Variants in RNF216 observed in about 807,000 individuals in gnomAD.
RNF216 encodes the protein E3 ubiquitin-protein ligase RNF216.
RNF216 carries 72 observed loss-of-function variants against 110.8 expected under a neutral mutation model. The observed-to-expected ratio is 0.65, with a 90% CI of 0.54 to 0.79. The LOEUF is 0.79. RNF216 is among the 30% of genes least tolerant of loss of function. The pLI is 0.00. For synonymous variants in RNF216, 495 were observed against 407.5 expected, an observed-to-expected ratio of 1.21 and a Z score of -2.59; for missense variants, 1,342 against 1,141.2, an observed-to-expected ratio of 1.18 and a Z score of -2.54.
intron 5 of RNF216, among the ~76,000 whole-genome samples, chr7:5,738,703 G>A (rs1478484388): frequency 3.5e-4 from 17 of 48,510 alleles, no homozygotes; most frequent in East Asian, 6.4e-4. Context: ...GTGAGACTCC[G>A]TCTCAAAAAA....
At chr7:5,711,199 G>A (rs988393132) in intron 13 of RNF216, among the ~76,000 whole-genome samples, 1 of 152,090 alleles carries the variant, frequency 6.6e-6, no homozygotes, top group African/African-American at 2.4e-5. Flanking sequence ...TTCACAGGGC[G>A]CCAAGTTAAA....
intron 14 of RNF216, among the ~76,000 whole-genome samples, chr7:5,649,153 G>A (rs754930218): frequency 1.8e-4 from 28 of 152,092 alleles, no homozygotes; most frequent in Non-Finnish European, 3.5e-4. Flanking sequence ...AGGCTGAGGT[G>A]GGGGGATCAC....
At chr7:5,627,741 G>C (rs1490676166) in intron 15 of RNF216, among the ~76,000 whole-genome samples, 5 of 148,714 alleles carry the variant, frequency 3.4e-5, no homozygotes, top group Non-Finnish European at 5.9e-5. Context: ...GGGAGACTCT[G>C]TCTAAAAAAA....
chr7:5,712,955 C>A (rs1792811807), intron 11 of RNF216, 92 bp from the exon 12 acceptor site: 2 of 1,136,942 alleles, frequency 1.8e-6, no homozygotes, highest in Non-Finnish European at 1.2e-6. Flanking sequence ...GATCCTGAGA[C>A]AACATAGCAA....
chr7:5,707,241 G>C (rs1463630070), intron 13 of RNF216, among the ~76,000 whole-genome samples: 2 of 152,112 alleles, frequency 1.3e-5, no homozygotes, highest in African/African-American at 4.8e-5. Context: ...GGATATTTGG[G>C]ATCCTTTGTG....
chr7:5,747,360 G>A (rs933422591), intron 3 of RNF216, among the ~76,000 whole-genome samples: 1 of 152,166 alleles, frequency 6.6e-6, no homozygotes, highest in Non-Finnish European at 1.5e-5. Context: ...AGGAGAGGGA[G>A]TAAAAACGGA....
rs532457927 is a variant in RNF216 at position 5,772,527 on chromosome 7, C to T, written c.-70+9014G>A. Among the ~76,000 whole-genome samples the T allele has an allele frequency of 7.9e-5, 12 of 152,234 alleles. No homozygotes were observed. In the South Asian group the frequency reaches 2.5e-3, roughly 32 times the overall value. On this transcript the variant is annotated intron_variant, in intron 1 of 16. Coordinates refer to ENST00000389902, the MANE Select transcript of RNF216 (RefSeq NM_207111.4). ...GTTTAAGCGATTCAATCCTTTCCTT[C>T]CTCTCTGAGAAAATCTCAATTTTCT...
intron 13 of RNF216, among the ~76,000 whole-genome samples, chr7:5,704,273 G>A (rs1390283197): frequency 6.6e-6 from 1 of 152,140 alleles, no homozygotes; most frequent in South Asian, 2.1e-4. Context: ...AGAGCGACAA[G>A]TTCCTGAAAA....
At chr7:5,642,510 T>C (rs1030931943) in intron 14 of RNF216, among the ~76,000 whole-genome samples, 1 of 145,594 alleles carries the variant, frequency 6.9e-6, no homozygotes, top group African/African-American at 2.6e-5. Flanking sequence ...CCACTGTGCC[T>C]GGCCTATTTT....
At chr7:5,759,034 T>C (rs892091196) in intron 2 of RNF216, among the ~76,000 whole-genome samples, 1 of 152,144 alleles carries the variant, frequency 6.6e-6, no homozygotes, top group Non-Finnish European at 1.5e-5. Flanking sequence ...GGGGTGGTAT[T>C]TCATAAATGA....
At chr7:5,674,996 CA>C (rs761427211) in intron 13 of RNF216, among the ~76,000 whole-genome samples, 1 of 151,510 alleles carries the variant, frequency 6.6e-6, no homozygotes, top group African/African-American at 2.4e-5. Flanking sequence ...GACTCTGTCT[CA>C]AAAAACAAAC....
chr7:5,778,918 A>G (rs1796924025), intron 1 of RNF216, among the ~76,000 whole-genome samples: 1 of 152,074 alleles, frequency 6.6e-6, no homozygotes, highest in Non-Finnish European at 1.5e-5. Context: ...TAATTTTTGT[A>G]TTTTTAGTAG....
chr7:5,689,377 A>G (rs930482759), intron 13 of RNF216, among the ~76,000 whole-genome samples: 7 of 151,708 alleles, frequency 4.6e-5, no homozygotes, highest in Admixed American at 2.6e-4. Flanking sequence ...AAAAAAAAAA[A>G]AAGAAAGAAG....
At chr7:5,719,368 C>T (rs1249352978) in intron 9 of RNF216, among the ~76,000 whole-genome samples, 1 of 152,106 alleles carries the variant, frequency 6.6e-6, no homozygotes, top group South Asian at 2.1e-4. Context: ...ACATGGAGCT[C>T]CTCTGTCAAA....
intron 4 of RNF216, chr7:5,739,569 T>C: frequency 1.6e-6 from 1 of 631,094 alleles, no homozygotes; most frequent in Non-Finnish European, 3.0e-6. Context: ...TCTGGTTCTC[T>C]GTCCCCATTT....
chr7:5,699,503 C>A (rs1246291340), intron 13 of RNF216, among the ~76,000 whole-genome samples: 3 of 152,228 alleles, frequency 2.0e-5, no homozygotes, highest in African/African-American at 7.2e-5. Context: ...TCTTCCCATA[C>A]TGGCCCTGAT....
chr7:5,766,451 T>C (rs894916967), intron 1 of RNF216, among the ~76,000 whole-genome samples: 3 of 151,758 alleles, frequency 2.0e-5, no homozygotes, highest in Non-Finnish European at 2.9e-5. Context: ...TAGAATTAGA[T>C]GAAGTCATGG....
At chr7:5,762,352 A>G (rs1795978676) in intron 1 of RNF216, among the ~76,000 whole-genome samples, 16 of 151,852 alleles carry the variant, frequency 1.1e-4, no homozygotes, top group Non-Finnish European at 1.9e-4. Context: ...GTGAAACCCC[A>G]TCTCTATTAA....
intron 1 of RNF216, among the ~76,000 whole-genome samples, chr7:5,766,358 T>TC (rs1189546671): frequency 1.3e-5 from 2 of 152,186 alleles, no homozygotes; most frequent in Non-Finnish European, 2.9e-5. Context: ...CTAAAGTGTG[T>TC]CACGCCTGGC....
Sources: gnomAD v4.1 joint callset for allele counts (sites outside exome capture counted in the v4.1 genomes callset) on GRCh38, gnomAD v4.1.1 for gene constraint, MANE v1.5 for transcripts, NCBI Gene and HGNC (gene_info 2026-07-23, HGNC 2026-07-21) for gene names.